The following ITPR3 variants were observed in gnomAD, a reference collection of about 807,000 sequenced individuals.
The protein encoded by ITPR3 is inositol 1,4,5-trisphosphate receptor type 3, also known as inositol 1,4,5-trisphosphate-gated calcium channel ITPR3.
Under a neutral mutation model 293.2 loss-of-function variants are expected in ITPR3, and 173 were observed. The observed-to-expected ratio is 0.59, with a 90% confidence interval of 0.52 to 0.67. The LOEUF is 0.67. ITPR3 is among the 30% of genes least tolerant of loss of function. The pLI, the probability that ITPR3 is intolerant of heterozygous loss-of-function variation, is 0.00. For synonymous variants in ITPR3, 1,295 were observed against 1,444.4 expected, an observed-to-expected ratio of 0.90 and a Z score of 2.35; for missense variants, 2,796 against 3,592.1, an observed-to-expected ratio of 0.78 and a Z score of 5.66.
intron 1 of ITPR3, among the ~76,000 whole-genome samples, chr6:33,634,351 A>G (rs539110821): frequency 6.6e-6 from 1 of 152,140 alleles, no homozygotes; most frequent in East Asian, 1.9e-4. Flanking sequence ...GGAGCTTAGC[A>G]TTCCCAGATG....
intron 1 of ITPR3, 33 bp from the exon 2 acceptor site, chr6:33,640,449 TTC>T (rs369239991): frequency 1.2e-5 from 20 of 1,601,332 alleles, no homozygotes; most frequent in African/African-American, 8.1e-5. Context: ...GATAGGTCTC[TTC>T]TCTCCTGCTG....
chr6:33,653,964 G>A (rs529967413), intron 2 of ITPR3, among the ~76,000 whole-genome samples: 14 of 152,200 alleles, frequency 9.2e-5, no homozygotes, highest in African/African-American at 1.4e-4. Context: ...GGGCCGAGCC[G>A]AACCCATAAA....
Position 33,682,843 on chromosome 6 carries a change from AGAG to A in ITPR3, c.4597+200_4597+202del, listed in dbSNP as rs1237395483. Among the ~76,000 whole-genome samples the A allele has an allele frequency of 2.0e-5, 3 of 152,168 alleles. No individual in the cohort carries two copies. The highest frequency in any genetic ancestry group is 1.3e-4 in the Admixed American group (2 of 15,274). ...GTTTTCTCCTCTGGGTCAGTTCCCC[AGAG>A]AAGGATGCTCGCCGACATTCTCCAG... On this transcript the variant is annotated intron_variant, in intron 34 of 57. Coordinates refer to ENST00000605930, the MANE Select transcript of ITPR3 (RefSeq NM_002224.4). This position sits in a 1 kb window ranked among gnomAD's most constrained non-coding sequence, Gnocchi z 5.4.
At position 33,689,235 on chromosome 6, in the gene ITPR3, C is replaced by G. The variant is rs1390475006; in HGVS notation, c.6695-3C>G. 3 of 1,608,390 alleles carry G rather than the reference C, an allele frequency of 1.9e-6. No individual in the cohort carries two copies. Among genetic ancestry groups the G allele is most frequent in the Non-Finnish European group, 2.5e-6 (3 of 1,179,854 alleles). Reference sequence around the variant, plus strand: ...CCCTGCTCACCCTGCCCCTGGCCCCCAGGCGTGCTGGACTCCCCTCTCATC... The same window carrying G: ...CCCTGCTCACCCTGCCCCTGGCCCCGAGGCGTGCTGGACTCCCCTCTCATC... On this transcript the variant is annotated splice_polypyrimidine_tract_variant and splice_region_variant and intron_variant, in intron 49 of 57. Transcript: ENST00000605930.
rs994657732 is a variant in ITPR3 at position 33,667,537 on chromosome 6, T to TA, written c.1713+248dup. 4.6e-5 allele frequency among the ~76,000 whole-genome samples: 7 copies of TA among 152,158 alleles called. No individual in the cohort carries two copies. Among genetic ancestry groups the TA allele is most frequent in the Admixed American group, 3.3e-4 (5 of 15,286 alleles). On this transcript the variant is annotated intron_variant, in intron 15 of 57. Coordinates refer to ENST00000605930, the MANE Select transcript of ITPR3 (RefSeq NM_002224.4). This position sits in a 1 kb window ranked among gnomAD's most constrained non-coding sequence, Gnocchi z 4.4. Reference sequence around the variant, plus strand: ...TCATTCTGCACTGGGCCCTACAAGTTATGTAGCCAATCCTTCCACACAAAC... The same window carrying TA: ...TCATTCTGCACTGGGCCCTACAAGTTAATGTAGCCAATCCTTCCACACAAAC...
chr6:33,673,505 C>T (rs1452829865), intron 22 of ITPR3, 86 bp from the exon 23 acceptor site: 4 of 1,555,772 alleles, frequency 2.6e-6, no homozygotes, highest in Non-Finnish European at 3.5e-6. Flanking sequence ...GCTCCCTGCC[C>T]CCTGCCCCCC....
In ITPR3 at chr6:33,633,118, C is replaced by A. The variant is rs77601296; in HGVS notation, c.90-7366C>A. Among the ~76,000 whole-genome samples the A allele has an allele frequency of 0.078, 11,848 of 152,260 alleles. 528 individuals carry two copies. Among genetic ancestry groups the A allele is most frequent in the Non-Finnish European group, 0.1 (6,855 of 68,006 alleles). ...TTTGTGATCTTGGCTGGGGTACCAC[C>A]GGCCTCTAGGTGAGGGGCGATGCCG... On this transcript the variant is annotated intron_variant, in intron 1 of 57. Transcript: ENST00000605930. This position sits in a 1 kb window ranked among gnomAD's most constrained non-coding sequence, Gnocchi z 5.2.
intron 56 of ITPR3, chr6:33,694,630 G>T: frequency 2.5e-6 from 1 of 392,934 alleles, no homozygotes; most frequent in Non-Finnish European, 4.7e-6. Flanking sequence ...CTCAGGGGGT[G>T]TTATGAGAGT....
Position 33,687,279 on chromosome 6 carries a change from G to A in ITPR3, c.6129G>A (p.Glu2043=). The A allele has an allele frequency of 1.2e-6, 2 of 1,613,604 alleles. No individual in the cohort carries two copies. Among genetic ancestry groups the A allele is most frequent in the Non-Finnish European group, 1.7e-6 (2 of 1,179,726 alleles). The change falls in exon 45 of 58, where the codon GAG becomes GAA. Residue 2043 remains glutamate (E), a synonymous_variant. Coordinates refer to ENST00000605930, the MANE Select transcript of ITPR3 (RefSeq NM_002224.4). The surrounding 1 kb of genome is among the most constrained non-coding windows in gnomAD (Gnocchi z 5.3). ...YLQEEERENS[E]VSPREVGHNI... is the part of the protein sequence containing the mutation. ...AGGAGGAAGAGCGTGAGAACTCGGA[G>A]GTGAGCCCACGTGAAGTGGGCCATA...
rs1289527714 is a variant in ITPR3, at chr6:33,655,174, G to A, written c.161-592G>A. 2.0e-5 allele frequency among the ~76,000 whole-genome samples: 3 copies of A among 152,180 alleles called. No homozygotes were observed. Among genetic ancestry groups the A allele is most frequent in the Non-Finnish European group, 4.4e-5 (3 of 68,038 alleles). On this transcript the variant is annotated intron_variant, in intron 2 of 57. Transcript: ENST00000605930. The surrounding 1 kb of genome is among the most constrained non-coding windows in gnomAD (Gnocchi z 4.9). ...GAGGGAGCCTCTTCCTCTTTGTATA[G>A]GGCAGGAGAAGAAGCTGAGCAAGGG...
At position 33,684,044 on chromosome 6, in the gene ITPR3, C is replaced by T. The variant is rs1582158644; in HGVS notation, c.4813C>T (p.Arg1605Trp). The T allele has an allele frequency of 3.7e-6, 6 of 1,610,352 alleles. No individual in the cohort carries two copies. Among genetic ancestry groups the T allele is most frequent in the East Asian group, 2.2e-5 (1 of 44,866 alleles). Residue 1605 changes from arginine (R) to tryptophan (W), a missense_variant, in exon 36 of 58, where the codon CGG becomes TGG. Coordinates refer to ENST00000605930, the MANE Select transcript of ITPR3 (RefSeq NM_002224.4). The surrounding 1 kb of genome is among the most constrained non-coding windows in gnomAD (Gnocchi z 4.2). The part of the protein sequence containing the change: ...LQDIITALEE[R>W]LKPLVQAELS... ...GGACATCATCACAGCCCTGGAGGAGCGGCTGAAGCCCCTGGTACAGGCTGA... is the reference window on the plus strand; with the variant it reads ...GGACATCATCACAGCCCTGGAGGAGTGGCTGAAGCCCCTGGTACAGGCTGA...
intron 51 of ITPR3, among the ~76,000 whole-genome samples, chr6:33,690,656 G>T (rs748933914): frequency 6.6e-6 from 1 of 152,186 alleles, no homozygotes; most frequent in Non-Finnish European, 1.5e-5. Context: ...TTAAGAGTTG[G>T]CTGGTATTCA....
chr6:33,663,686 A>G (rs1442301460), intron 10 of ITPR3, 52 bp from the exon 11 acceptor site: 1 of 1,610,354 alleles, frequency 6.2e-7, no homozygotes, highest in Non-Finnish European at 8.5e-7. Flanking sequence ...CAGGTGCTTC[A>G]TGGGCTTGAG....
At position 33,684,970 on chromosome 6, in the gene ITPR3, G is replaced by A. The variant is rs1765185531; in HGVS notation, c.5307+27G>A. On this transcript the variant is annotated intron_variant, in intron 39 of 57. Transcript: ENST00000605930. The surrounding 1 kb of genome is among the most constrained non-coding windows in gnomAD (Gnocchi z 4.2). ...TGTGGGGGGCCTGGGGCCTGGACAT[G>A]CCCTCCTTTGCCTCCCTCCCTTTTT... is the stretch of plus-strand genomic sequence containing the variant. The A allele has an allele frequency of 6.3e-7, 1 of 1,580,286 alleles. No homozygotes were observed.
chr6:33,676,861 C>T lies in ITPR3; in HGVS notation c.3376C>T (p.Leu1126=), dbSNP rs1423156362. The change falls in exon 26 of 58, where the codon CTG becomes TTG. Residue 1126 remains leucine, a synonymous_variant. Transcript: ENST00000605930. ...RLRTMVEKSE[L]WVDKKGSGKG... Reference sequence around the variant, plus strand: ...GCGGACCATGGTGGAGAAGTCAGAGCTGTGGGTGGACAAGAAGGGCAGTGG... The same window carrying T: ...GCGGACCATGGTGGAGAAGTCAGAGTTGTGGGTGGACAAGAAGGGCAGTGG... 2 of 1,614,096 alleles carry T rather than the reference C, an allele frequency of 1.2e-6. No homozygotes were observed. Among genetic ancestry groups the T allele is most frequent in the Non-Finnish European group, 1.7e-6 (2 of 1,179,974 alleles).
At chr6:33,674,021 T>G (rs1271086582) in intron 23 of ITPR3, among the ~76,000 whole-genome samples, 187 bp from the exon 24 acceptor site, 1 of 152,188 alleles carries the variant, frequency 6.6e-6, no homozygotes, top group African/African-American at 2.4e-5. Flanking sequence ...CTGCCCCCTT[T>G]GTACTGCCCT....
At chr6:33,668,407 G>A in intron 16 of ITPR3, 108 bp from the exon 17 acceptor site, 1 of 1,445,744 alleles carries the variant, frequency 6.9e-7, no homozygotes, top group Non-Finnish European at 9.4e-7. Context: ...GAGGGAGCTA[G>A]TTCCAGGGTG....
In ITPR3 at chr6:33,696,385, A is replaced by T. The variant is rs1377277049; in HGVS notation, c.*605A>T. ...CATGATGGACGATCTTGCTCCCAGGACCTGCCTCTTCCCAGGCTTCCTGGG... is the reference window on the plus strand; with the variant it reads ...CATGATGGACGATCTTGCTCCCAGGTCCTGCCTCTTCCCAGGCTTCCTGGG... On this transcript the variant is annotated 3_prime_UTR_variant, in exon 58 of 58. Transcript: ENST00000605930. The T allele has an allele frequency of 6.5e-6, 1 of 152,772 alleles. No homozygotes were observed. The highest frequency in any genetic ancestry group is 2.4e-5 in the African/African-American group (1 of 41,416). The allele number at this position is 152,772 out of a possible 1,614,324, so 9.5% of individuals were successfully genotyped here. A position where few individuals can be genotyped will look rare whatever the true frequency, so the allele number is the denominator to read the frequency against.
Position 33,688,059 on chromosome 6 carries a change from C to G in ITPR3, c.6267C>G (p.Leu2089=). 6.2e-7 allele frequency: 1 copy of G among 1,613,324 alleles called. No homozygotes were observed. Among genetic ancestry groups the G allele is most frequent in the Non-Finnish European group, 8.5e-7 (1 of 1,179,542 alleles). The change falls in exon 47 of 58, where the codon CTC becomes CTG. Residue 2089 remains leucine (L), a splice_region_variant and synonymous_variant. Transcript: ENST00000605930. ...CTCCGCGCCCTCCCCACCTCCAGCT[C>G]AGCCTCAACAACAAGCAGCTGTCAC... The part of the protein sequence containing the change: ...EEEAEGISSM[L]SLNNKQLSQM...
Sources: gnomAD v4.1 joint callset for allele counts (sites outside exome capture counted in the v4.1 genomes callset) on GRCh38, gnomAD v4.1.1 for gene constraint, Gnocchi (gnomAD v3.1) non-coding constraint, MANE v1.5 for transcripts, NCBI Gene and HGNC (gene_info 2026-07-23, HGNC 2026-07-21) for gene names.